GAS2: variants seen among roughly 807,000 people sequenced by gnomAD.
GAS2 encodes the protein growth arrest-specific protein 2.
In GAS2, 20 loss-of-function variants were observed where a neutral mutation model predicts 37.5. The observed-to-expected ratio is 0.53, with a 90% CI of 0.37 to 0.77. The LOEUF (loss-of-function observed/expected upper bound fraction) is 0.77. Ranked by LOEUF, GAS2 falls within the 30% of genes least tolerant of loss-of-function variation. The pLI is 0.00. For synonymous variants in GAS2, 144 were observed against 132.2 expected, an observed-to-expected ratio of 1.09 and a Z score of -0.61; for missense variants, 336 against 373.4, an observed-to-expected ratio of 0.90 and a Z score of 0.82.
At chr11:22,777,321 A>T (rs1253609114) in intron 7 of GAS2, among the ~76,000 whole-genome samples, 1 of 152,198 alleles carries the variant, frequency 6.6e-6, no homozygotes, top group Admixed American at 6.5e-5. Flanking sequence ...GATAGAAGCC[A>T]TGGCTTCAGA....
chr11:22,793,283 T>A (rs903797555), intron 7 of GAS2, among the ~76,000 whole-genome samples: 1 of 151,830 alleles, frequency 6.6e-6, no homozygotes, highest in Non-Finnish European at 1.5e-5. Context: ...TCAAAAAAAA[T>A]AAATAAATTA....
At chr11:22,672,170 C>A (rs951834522) in intron 1 of GAS2, among the ~76,000 whole-genome samples, 5 of 152,080 alleles carry the variant, frequency 3.3e-5, no homozygotes, top group Non-Finnish European at 5.9e-5. Context: ...CCTCTGTCTC[C>A]TGGGGAAATG....
chr11:22,636,682 G>A (rs1011182522), intron 1 of GAS2, among the ~76,000 whole-genome samples: 1 of 151,906 alleles, frequency 6.6e-6, no homozygotes, highest in Non-Finnish European at 1.5e-5. Flanking sequence ...AGAGGATCTA[G>A]TGAAAACTTT....
In GAS2 at chr11:22,723,663, A is replaced by G. The variant is rs980131104; in HGVS notation, c.268-2629A>G. Among the ~76,000 whole-genome samples the G allele has an allele frequency of 3.9e-5, 6 of 152,048 alleles. No individual in the cohort carries two copies. In the South Asian group the frequency reaches 1.0e-3, roughly 26 times the overall value. On this transcript the variant is annotated intron_variant, in intron 3 of 7. Coordinates refer to ENST00000454584, the MANE Select transcript of GAS2 (RefSeq NM_001143830.3). ...ATAGTTCCTAGATTATAGTTTTTAC[A>G]TGCAAACTCGTATATTGATTTGAAG...
rs562460597 is a variant in GAS2, at chr11:22,779,424, G to A, written c.723+23471G>A. Among the ~76,000 whole-genome samples the A allele has an allele frequency of 5.9e-5, 9 of 152,278 alleles. No homozygotes were observed. The East Asian group carries it at 9.6e-4, about 16-fold the overall frequency. Reference sequence around the variant, plus strand: ...TTGAAATACAATGCCTCAGCTGGGCGTGGTGGCTCACGCCTGTAATCCCAG... The same window carrying A: ...TTGAAATACAATGCCTCAGCTGGGCATGGTGGCTCACGCCTGTAATCCCAG... On this transcript the variant is annotated intron_variant, in intron 7 of 7. Coordinates refer to ENST00000454584, the MANE Select transcript of GAS2 (RefSeq NM_001143830.3).
At chr11:22,701,956 T>C (rs1850864614) in intron 3 of GAS2, among the ~76,000 whole-genome samples, 1 of 152,190 alleles carries the variant, frequency 6.6e-6, no homozygotes, top group African/African-American at 2.4e-5. Flanking sequence ...TATAACAGTA[T>C]ATACTGAAAT....
chr11:22,642,948 T>G (rs1848647739), intron 1 of GAS2, among the ~76,000 whole-genome samples: 1 of 152,184 alleles, frequency 6.6e-6, no homozygotes, highest in Non-Finnish European at 1.5e-5. Context: ...CTCTTGAGTT[T>G]GAGAGACTTT....
At chr11:22,793,457 C>CA (rs1856275611) in intron 7 of GAS2, among the ~76,000 whole-genome samples, 1 of 151,868 alleles carries the variant, frequency 6.6e-6, no homozygotes, top group Non-Finnish European at 1.5e-5. Flanking sequence ...ATAGTCTGGG[C>CA]AAAAAATGAT....
At chr11:22,724,231 T>G (rs1852085377) in intron 3 of GAS2, among the ~76,000 whole-genome samples, 1 of 151,996 alleles carries the variant, frequency 6.6e-6, no homozygotes, top group South Asian at 2.1e-4. Flanking sequence ...GCAAATTTGT[T>G]TCTGCTTAAG....
intron 3 of GAS2, among the ~76,000 whole-genome samples, chr11:22,723,604 C>A (rs185453265): frequency 6.6e-6 from 1 of 151,962 alleles, no homozygotes; most frequent in East Asian, 1.9e-4. Flanking sequence ...TACCTCATGT[C>A]ATTTAGCAAG....
intron 2 of GAS2, among the ~76,000 whole-genome samples, chr11:22,679,708 G>A (rs1849588336): frequency 6.6e-6 from 1 of 151,930 alleles, no homozygotes; most frequent in East Asian, 1.9e-4. Flanking sequence ...TAAATTACAT[G>A]AGAGCATATT....
chr11:22,736,795 G>A (rs996329729), intron 4 of GAS2, among the ~76,000 whole-genome samples: 1 of 151,968 alleles, frequency 6.6e-6, no homozygotes, highest in Non-Finnish European at 1.5e-5. Context: ...CTATGTGTCA[G>A]TGTAAGACTG....
chr11:22,745,087 A>G (rs1488483718), intron 5 of GAS2, among the ~76,000 whole-genome samples: 4 of 150,388 alleles, frequency 2.7e-5, no homozygotes, highest in Non-Finnish European at 5.9e-5. Context: ...TTATGGAAGT[A>G]GAAAAAAGTA....
chr11:22,630,068 T>C (rs1276651348), intron 1 of GAS2, among the ~76,000 whole-genome samples: 1 of 152,196 alleles, frequency 6.6e-6, no homozygotes, highest in Non-Finnish European at 1.5e-5. Flanking sequence ...TTTATTATAC[T>C]GTAAGCTCTA....
intron 7 of GAS2, among the ~76,000 whole-genome samples, chr11:22,797,749 C>G (rs188237650): frequency 1.8e-3 from 268 of 152,206 alleles, no homozygotes; most frequent in Non-Finnish European, 3.4e-3. Flanking sequence ...AATGTGAGCT[C>G]AAGGGCTAAG....
intron 3 of GAS2, among the ~76,000 whole-genome samples, chr11:22,713,935 A>G (rs756107034): frequency 6.6e-6 from 1 of 152,166 alleles, no homozygotes; most frequent in South Asian, 2.1e-4. Context: ...CAATAACACA[A>G]TGAGAAAACA....
Position 22,763,616 on chromosome 11 carries a change from T to TACACAC in GAS2, c.723+7702_723+7707dup, listed in dbSNP as rs34715661. ...AACAATTCATTTAAAAAAATACACA[T>TACACAC]ACACACACACACACACACACACACA... On this transcript the variant is annotated intron_variant, in intron 7 of 7. Coordinates refer to ENST00000454584, the MANE Select transcript of GAS2 (RefSeq NM_001143830.3). Among the ~76,000 whole-genome samples, 892 of 143,872 alleles carry TACACAC rather than the reference T, an allele frequency of 6.2e-3. 6 individuals are homozygous for TACACAC. The highest frequency in any genetic ancestry group is 9.6e-3 in the East Asian group (47 of 4,902). 94.4% of individuals were successfully genotyped at this position (143,872 alleles called of 152,430 possible). A position where few individuals can be genotyped will look rare whatever the true frequency, so the allele number is the denominator to read the frequency against.
intron 3 of GAS2, among the ~76,000 whole-genome samples, chr11:22,690,508 A>G (rs1470385740): frequency 6.6e-6 from 1 of 152,168 alleles, no homozygotes; most frequent in African/African-American, 2.4e-5. Flanking sequence ...AGGGCAGTAG[A>G]TGGGTGGAAG....
chr11:22,638,854 T>G (rs1191308690), intron 1 of GAS2, among the ~76,000 whole-genome samples: 2 of 152,092 alleles, frequency 1.3e-5, no homozygotes, highest in African/African-American at 4.8e-5. Flanking sequence ...AAGGCAGTCA[T>G]AGAGGGTTTT....
Sources: gnomAD v4.1 joint callset for allele counts (sites outside exome capture counted in the v4.1 genomes callset) on GRCh38, gnomAD v4.1.1 for gene constraint, MANE v1.5 for transcripts, NCBI Gene and HGNC (gene_info 2026-07-23, HGNC 2026-07-21) for gene names.